The following PSG2 variants were observed in gnomAD, a reference collection of about 807,000 sequenced individuals.
PSG2 encodes the protein pregnancy-specific beta-1-glycoprotein 2.
A neutral mutation model predicts 36.2 loss-of-function variants in PSG2; 49 were observed. The ratio of observed to expected loss-of-function variants is 1.35; its 90% confidence interval spans 1.08 to 1.72. PSG2 has a LOEUF of 1.72. Ranked by LOEUF, PSG2 falls within the 40% of genes most tolerant of loss-of-function variation. The pLI, the probability that PSG2 is intolerant of heterozygous loss-of-function variation, is 0.00. For missense variants in PSG2, 605 were observed against 407.2 expected, an observed-to-expected ratio of 1.49 and a Z score of -4.18; for synonymous variants, 261 against 155.6, an observed-to-expected ratio of 1.68 and a Z score of -5.04.
At chr19:43,079,730 G>T (rs895829126) in intron 2 of PSG2, among the ~76,000 whole-genome samples, 2 of 151,722 alleles carry the variant, frequency 1.3e-5, no homozygotes, top group African/African-American at 4.9e-5. Context: ...TTTAGTTCTG[G>T]AGTACAGATT....
rs568441363 is a variant in PSG2 at position 43,068,454 on chromosome 19, A to C, written c.965-1854T>G. 1.2e-4 allele frequency among the ~76,000 whole-genome samples: 17 copies of C among 136,306 alleles called. No homozygotes were observed. The East Asian group carries it at 2.4e-3, about 20-fold the overall frequency. The allele number at this position is 136,306 out of a possible 152,430, so 89.4% of individuals were successfully genotyped here. A position where few individuals can be genotyped will look rare whatever the true frequency, so the allele number is the denominator to read the frequency against. ...GTGACAGCCTGTCTCTCTCTTTTCAACAAAAAAAAAAAAAAGAAAGAAAGA... is the reference window on the plus strand; with the variant it reads ...GTGACAGCCTGTCTCTCTCTTTTCACCAAAAAAAAAAAAAAGAAAGAAAGA... On this transcript the variant is annotated intron_variant, in intron 4 of 5. Coordinates refer to ENST00000406487, the MANE Select transcript of PSG2 (RefSeq NM_031246.4).
At chr19:43,077,211 C>T (rs1448924112) in intron 2 of PSG2, among the ~76,000 whole-genome samples, 2 of 151,576 alleles carry the variant, frequency 1.3e-5, no homozygotes, top group African/African-American at 2.4e-5. Flanking sequence ...TGAATTCCAG[C>T]AGGATCACAT....
At chr19:43,080,213 C>G (rs980085982) in intron 2 of PSG2, among the ~76,000 whole-genome samples, 3 of 151,774 alleles carry the variant, frequency 2.0e-5, no homozygotes, top group African/African-American at 7.3e-5. Context: ...CCTATGGACT[C>G]TCCTAAGCCT....
rs1142255 is a variant in PSG2 at position 43,071,719 on chromosome 19, C to T, written c.945G>A (p.Ser315=). ...ACTTACCAGAGACTTTGACTGTCAA[C>T]GATGTGGAGCTTTCCTCGCCAGTGG... The part of the protein sequence containing the change: ...NSATGEESST[S]LTVKVSASTR... The change falls in exon 4 of 6, where the codon TCG becomes TCA. Residue 315 remains serine, a synonymous_variant. Coordinates refer to ENST00000406487, the MANE Select transcript of PSG2 (RefSeq NM_031246.4). 1.5e-5 allele frequency: 24 copies of T among 1,612,834 alleles called. No homozygotes were observed. The highest frequency in any genetic ancestry group is 6.7e-5 in the African/African-American group (5 of 74,452).
At position 43,064,505 on chromosome 19, in the gene PSG2, A is replaced by G; in HGVS notation, c.*137T>C. On this transcript the variant is annotated 3_prime_UTR_variant, in exon 6 of 6. Coordinates refer to ENST00000406487, the MANE Select transcript of PSG2 (RefSeq NM_031246.4). ...ATTTCATGAAGGTATCAGCCTGTTC[A>G]TTAAAATTTTGAAAGTTCTTAGTCC... The G allele has an allele frequency of 1.7e-6, 1 of 591,408 alleles. No homozygotes were observed. The highest frequency in any genetic ancestry group is 3.1e-5 in the East Asian group (1 of 32,304). 36.6% of individuals were successfully genotyped at this position (591,408 alleles called of 1,614,324 possible).
At chr19:43,071,562 G>T in intron 4 of PSG2, 138 bp downstream of exon 4, 1 of 1,599,060 alleles carries the variant, frequency 6.3e-7, no homozygotes, top group East Asian at 2.2e-5. Flanking sequence ...AAATTGGGAG[G>T]GTTCAGGAGG....
At chr19:43,072,493 G>C (rs1210096742) in intron 3 of PSG2, 11 of 1,611,300 alleles carry the variant, frequency 6.8e-6, no homozygotes, top group East Asian at 2.2e-5. Context: ...CCCTGGGACT[G>C]ACCGGGAGGC....
intron 2 of PSG2, 107 bp downstream of exon 2, chr19:43,080,774 T>C: frequency 6.3e-7 from 1 of 1,598,368 alleles, no homozygotes. Context: ...GCATGGGACA[T>C]AATGCAGAGA....
intron 1 of PSG2, 144 bp from the exon 2 acceptor site, chr19:43,081,390 CACACACACAA>C: frequency 1.6e-6 from 2 of 1,237,200 alleles, no homozygotes; most frequent in Non-Finnish European, 2.2e-6. Context: ...CACACACACA[CACACACACAA>C]AAGGGGCATG....
At chr19:43,072,708 A>G in intron 3 of PSG2, 1 of 1,577,040 alleles carries the variant, frequency 6.3e-7, no homozygotes, top group African/African-American at 1.4e-5. Context: ...CAGAGTTACC[A>G]TCTCCCACCT....
intron 2 of PSG2, among the ~76,000 whole-genome samples, chr19:43,076,094 T>C (rs1022899052): frequency 9.9e-5 from 15 of 151,710 alleles, no homozygotes; most frequent in Non-Finnish European, 1.3e-4. Context: ...TCCCATTGTC[T>C]TTAAACCCTT....
chr19:43,075,658 G>A (rs1311557078), intron 2 of PSG2, 26 bp from the exon 3 acceptor site: 7 of 1,597,918 alleles, frequency 4.4e-6, no homozygotes, highest in Non-Finnish European at 6.0e-6. Flanking sequence ...AGAGAAGATT[G>A]CCCTGTGTGG....
rs751607282 is a variant in PSG2 at position 43,081,148 on chromosome 19, C to G, written c.163G>C (p.Val55Leu). The change falls in exon 2 of 6, where the codon GTC (valine) becomes CTC (leucine). Residue 55 changes from valine to leucine, a missense_variant. Transcript: ENST00000406487. ...GTAAGATTCTGGGGCAAATTGTGGA[C>G]AAGTAGAAGAACATCCTTCCCCTCG... ...VSEGKDVLLL[V>L]HNLPQNLTGY... 1.2e-6 allele frequency: 2 copies of G among 1,612,746 alleles called. No homozygotes were observed. Among genetic ancestry groups the G allele is most frequent in the Admixed American group, 3.3e-5 (2 of 59,920 alleles).
chr19:43,082,472 C>T lies in PSG2; in HGVS notation c.64+34G>A, dbSNP rs577835765. On this transcript the variant is annotated intron_variant, in intron 1 of 5. Coordinates refer to ENST00000406487, the MANE Select transcript of PSG2 (RefSeq NM_031246.4). The stretch of plus-strand genomic sequence containing the variant: ...ACCCCATCCAGTCACTCTTCTTCCT[C>T]CTCCTGTCCTCTCCCAGGAAGTTCT... 333 of 1,603,352 alleles carry T rather than the reference C, an allele frequency of 2.1e-4. 13 individuals are homozygous for T. The African/African-American group carries it at 4.1e-3, about 20-fold the overall frequency.
At position 43,080,958 on chromosome 19, in the gene PSG2, C is replaced by T. The variant is rs1272758030; in HGVS notation, c.353G>A (p.Gly118Glu). 3 of 1,612,972 alleles carry T rather than the reference C, an allele frequency of 1.9e-6. No individual in the cohort carries two copies. Among genetic ancestry groups the T allele is most frequent in the South Asian group, 2.2e-5 (2 of 91,028 alleles). The change falls in exon 2 of 6, where the codon GGA (glycine) becomes GAA (glutamate). Residue 118 changes from glycine (G) to glutamate (E), a missense_variant. Transcript: ENST00000406487. ...LIQNVTREDA[G>E]SYTLHIIKRG... ...CTTTATGATGTGTAAGGTGTAGGATCCTGCGTCCTCCCGGGTGACATTCTG... is the reference window on the plus strand; with the variant it reads ...CTTTATGATGTGTAAGGTGTAGGATTCTGCGTCCTCCCGGGTGACATTCTG...
chr19:43,064,609 A>G lies in PSG2; in HGVS notation c.*41-8T>C, dbSNP rs981473559. The G allele has an allele frequency of 1.2e-5, 8 of 648,054 alleles. No individual in the cohort carries two copies. In the East Asian group the frequency reaches 2.1e-4, roughly 17 times the overall value. The allele number at this position is 648,054 out of a possible 1,614,324, so 40.1% of individuals were successfully genotyped here. ...GACCTTTCCATAAATCTCCTTGAAG[A>G]AAAAGCAATTTTGGACTGTAGGTGA... is the stretch of plus-strand genomic sequence containing the variant. On this transcript the variant is annotated splice_region_variant and splice_polypyrimidine_tract_variant and intron_variant, in intron 5 of 5. Coordinates refer to ENST00000406487, the MANE Select transcript of PSG2 (RefSeq NM_031246.4).
At chr19:43,072,385 G>A in intron 3 of PSG2, 1 of 1,612,726 alleles carries the variant, frequency 6.2e-7, no homozygotes, top group Non-Finnish European at 8.5e-7. Context: ...CACTGTGGAT[G>A]CCACCATATC....
At chr19:43,080,770 G>A (rs1967959651) in intron 2 of PSG2, 111 bp downstream of exon 2, 3 of 1,595,120 alleles carry the variant, frequency 1.9e-6, no homozygotes, top group Non-Finnish European at 1.7e-6. Flanking sequence ...CCCAGCATGG[G>A]ACATAATGCA....
In PSG2 at chr19:43,077,760, A is replaced by G. The variant is rs140274088; in HGVS notation, c.431-2128T>C. Among the ~76,000 whole-genome samples the G allele has an allele frequency of 9.3e-4, 142 of 151,922 alleles. 5 individuals are homozygous for G. The highest frequency in any genetic ancestry group is 3.4e-3 in the African/African-American group (142 of 41,262). ...TTTAAAAATTGCTACTGTCAAAACA[A>G]AATATTAAATATGAAGTTGAATCAG... On this transcript the variant is annotated intron_variant, in intron 2 of 5. Coordinates refer to ENST00000406487, the MANE Select transcript of PSG2 (RefSeq NM_031246.4).
Sources: allele counts gnomAD v4.1 joint callset (sites outside exome capture counted in the v4.1 genomes callset), GRCh38; gene constraint gnomAD v4.1.1; transcripts MANE v1.5; gene names NCBI Gene and HGNC (gene_info 2026-07-23, HGNC 2026-07-21).